Variants in DDX60 observed in about 807,000 individuals in gnomAD.
DDX60 encodes the protein probable ATP-dependent RNA helicase DDX60.
A neutral mutation model predicts 212.8 loss-of-function variants in DDX60; 165 were observed. The ratio of observed to expected loss-of-function variants is 0.78; its 90% confidence interval spans 0.68 to 0.88. The LOEUF (loss-of-function observed/expected upper bound fraction) is 0.88, where lower values mean the gene tolerates loss of function less well. Among genes scored for constraint, DDX60 ranks in the 40% least tolerant of loss-of-function variants. The probability of loss-of-function intolerance (pLI) is 0.00; values close to 1 mark genes in which losing one functional copy is unlikely to be tolerated. For missense variants in DDX60, 1,905 were observed against 2,003.9 expected (o/e 0.95, Z 0.94); for synonymous variants, 703 against 685.3 (o/e 1.03, Z -0.40).
At chr4:168,264,214 A>G (rs1304246064) in intron 22 of DDX60, among the ~76,000 whole-genome samples, 4 of 152,200 alleles carry the variant, frequency 2.6e-5, no homozygotes, top group Non-Finnish European at 4.4e-5. Flanking sequence ...TGAAAATACA[A>G]TATTTTTACT....
Position 168,217,032 on chromosome 4 carries a change from A to G in DDX60, c.5040T>C (p.Ser1680=), listed in dbSNP as rs767131414. 6.2e-7 allele frequency: 1 copy of G among 1,600,336 alleles called. No individual in the cohort carries two copies. The highest frequency in any genetic ancestry group is 8.5e-7 in the Non-Finnish European group (1 of 1,174,250). The change falls in exon 38 of 38, where the codon AGT becomes AGC. Residue 1680 remains serine, a splice_region_variant and synonymous_variant. Transcript: ENST00000393743. ...KDFALTIKSI[S]VSLRELCENE... is the part of the protein sequence containing the mutation. ...TTTCACATAGCTCACGCAAGGAAAC[A>G]CTGGAAATGGGGAAAAAAATATAGG...
chr4:168,261,362 G>A (rs1017897364), intron 24 of DDX60, among the ~76,000 whole-genome samples: 2 of 152,050 alleles, frequency 1.3e-5, no homozygotes, highest in Non-Finnish European at 2.9e-5. Context: ...TTCAAGGTCT[G>A]TAAATGACAG....
intron 25 of DDX60, 75 bp downstream of exon 25, chr4:168,260,790 G>T (rs1734593281): frequency 3.8e-6 from 5 of 1,317,908 alleles, no homozygotes; most frequent in Non-Finnish European, 5.3e-6. Context: ...GTGGCCTGGA[G>T]GTTGGGGACC....
chr4:168,239,813 A>T (rs1733774920), intron 30 of DDX60, among the ~76,000 whole-genome samples: 1 of 152,080 alleles, frequency 6.6e-6, no homozygotes, highest in African/African-American at 2.4e-5. Context: ...ATTCTACAGG[A>T]TCTCATAGAC....
intron 1 of DDX60, 24 bp downstream of exon 1, chr4:168,318,598 C>T (rs1283556514): frequency 2.0e-5 from 3 of 152,424 alleles, no homozygotes; most frequent in African/African-American, 7.2e-5. Flanking sequence ...AGGCTCTTCC[C>T]AAGGGACATC....
At chr4:168,281,926 G>T (rs1735612097) in intron 13 of DDX60, among the ~76,000 whole-genome samples, 1 of 152,110 alleles carries the variant, frequency 6.6e-6, no homozygotes, top group Non-Finnish European at 1.5e-5. Context: ...TTGACCCTTT[G>T]CCATGTAGAT....
intron 33 of DDX60, among the ~76,000 whole-genome samples, chr4:168,231,348 T>C (rs774583748): frequency 5.9e-5 from 9 of 151,844 alleles, no homozygotes; most frequent in Non-Finnish European, 1.2e-4. Context: ...CCTCCCTAAA[T>C]TGTTCTATGA....
intron 9 of DDX60, 52 bp downstream of exon 9, chr4:168,288,122 T>C (rs548506067): frequency 1.6e-5 from 19 of 1,199,384 alleles, no homozygotes; most frequent in Non-Finnish European, 2.2e-5. Flanking sequence ...TTAAATTCCT[T>C]ATAAAGTTTA....
At chr4:168,322,571 A>C (rs1036881418), upstream of DDX60, among the ~76,000 whole-genome samples, 2 of 152,220 alleles carry the variant, frequency 1.3e-5, no homozygotes, top group Non-Finnish European at 2.9e-5. Context: ...ATTAAAAAAC[A>C]CTTCAATATA....
intron 8 of DDX60, among the ~76,000 whole-genome samples, chr4:168,289,699 C>T (rs1043303862): frequency 3.9e-5 from 6 of 152,176 alleles, no homozygotes; most frequent in Non-Finnish European, 8.8e-5. Flanking sequence ...TCCCCACTAA[C>T]GTGCCCTTCA....
Position 168,267,859 on chromosome 4 carries a change from A to T in DDX60, c.2911T>A (p.Ser971Thr), listed in dbSNP as rs748812545. 4 of 1,612,016 alleles carry T rather than the reference A, an allele frequency of 2.5e-6. No individual in the cohort carries two copies. Among genetic ancestry groups the T allele is most frequent in the Non-Finnish European group, 3.4e-6 (4 of 1,179,046 alleles). ...AACATACCAAGTCTAACTTTATACG[A>T]TTGTTTTACTTGCAAGTAGTCTTTG... is the stretch of plus-strand genomic sequence containing the variant. ...FPKDYLQVKQ[S>T]YKVRLVLYGE... The change falls in exon 21 of 38, where the codon TCG becomes ACG. Residue 971 changes from serine (S) to threonine (T), a missense_variant. Ser to Thr is a moderately conservative substitution (Grantham distance 58). Transcript: ENST00000393743.
chr4:168,286,447 T>C (rs1265757424), intron 10 of DDX60, among the ~76,000 whole-genome samples: 1 of 143,754 alleles, frequency 7.0e-6, no homozygotes, highest in Non-Finnish European at 1.5e-5. Context: ...GATAGATAGA[T>C]AGATAGATAT....
chr4:168,306,361 C>A lies in DDX60; in HGVS notation c.606+18G>T. The A allele has an allele frequency of 3.8e-6, 6 of 1,560,176 alleles. No homozygotes were observed. The highest frequency in any genetic ancestry group is 1.7e-4 in the Middle Eastern group (1 of 5,808). On this transcript the variant is annotated intron_variant, in intron 5 of 37. Coordinates refer to ENST00000393743, the MANE Select transcript of DDX60 (RefSeq NM_017631.6). Reference sequence around the variant, plus strand: ...TTTGAAAATTTCTAGAAGAAATTGTCTTTTGGATGTGAATTACCTTCCAGG... The same window carrying A: ...TTTGAAAATTTCTAGAAGAAATTGTATTTTGGATGTGAATTACCTTCCAGG...
At chr4:168,247,812 T>C (rs930679846) in intron 29 of DDX60, among the ~76,000 whole-genome samples, 1 of 152,138 alleles carries the variant, frequency 6.6e-6, no homozygotes, top group East Asian at 1.9e-4. Flanking sequence ...AATTCTAGAG[T>C]GCAAAATCTT....
chr4:168,250,541 T>C (rs1734179997), intron 28 of DDX60, among the ~76,000 whole-genome samples: 1 of 151,900 alleles, frequency 6.6e-6, no homozygotes, highest in South Asian at 2.1e-4. Context: ...TTTTTTTTTT[T>C]TGAGACAAAG....
chr4:168,263,879 A>G (rs987833700), intron 22 of DDX60, among the ~76,000 whole-genome samples: 1 of 152,212 alleles, frequency 6.6e-6, no homozygotes, highest in African/African-American at 2.4e-5. Flanking sequence ...AAAAAGAAAA[A>G]AGAGAGAGAA....
chr4:168,256,606 C>T (rs943293352), intron 25 of DDX60, among the ~76,000 whole-genome samples: 17 of 152,090 alleles, frequency 1.1e-4, no homozygotes, highest in Admixed American at 7.9e-4. Flanking sequence ...TAAAATGTTT[C>T]TAGAGGAAGT....
At chr4:168,246,345 A>C (rs1734021287) in intron 30 of DDX60, 73 bp downstream of exon 30, 1 of 1,574,260 alleles carries the variant, frequency 6.4e-7, no homozygotes, top group Admixed American at 1.7e-5. Flanking sequence ...ACAGACTTCT[A>C]AAAGAACAGC....
At chr4:168,275,949 T>C in intron 15 of DDX60, 66 bp downstream of exon 15, 1 of 1,388,380 alleles carries the variant, frequency 7.2e-7, no homozygotes. Context: ...ATGACTATCT[T>C]TGCAAAACAC....
Sources: allele counts gnomAD v4.1 joint callset (sites outside exome capture counted in the v4.1 genomes callset), GRCh38; gene constraint gnomAD v4.1.1; transcripts MANE v1.5; gene names NCBI Gene and HGNC (gene_info 2026-07-23, HGNC 2026-07-21).